ALG6: variants seen among roughly 807,000 people sequenced by gnomAD.
The protein encoded by ALG6 is dolichyl pyrophosphate Man9GlcNAc2 alpha-1,3-glucosyltransferase.
Under a neutral mutation model 66.6 loss-of-function variants are expected in ALG6, and 46 were observed. The observed-to-expected ratio is 0.69, with a 90% CI of 0.55 to 0.88. The LOEUF is 0.88. ALG6 is among the 40% of genes least tolerant of loss of function. The pLI is 0.00. For missense variants in ALG6, 505 were observed against 586.8 expected, an observed-to-expected ratio of 0.86 and a Z score of 1.44; for synonymous variants, 185 against 203.7, an observed-to-expected ratio of 0.91 and a Z score of 0.78.
At chr1:63,435,122 T>A (rs1229621896) in intron 14 of ALG6, among the ~76,000 whole-genome samples, 2 of 152,194 alleles carry the variant, frequency 1.3e-5, no homozygotes, top group African/African-American at 4.8e-5. Context: ...TGGTATGGGT[T>A]CACTAGTGAA....
chr1:63,406,595 A>T (rs990243453), intron 6 of ALG6, among the ~76,000 whole-genome samples, 196 bp downstream of exon 6: 1 of 152,118 alleles, frequency 6.6e-6, no homozygotes, highest in African/African-American at 2.4e-5. Flanking sequence ...ACTAAGATAC[A>T]CTGAATCTTG....
At chr1:63,414,205 G>T (rs1311546553) in intron 10 of ALG6, 59 bp downstream of exon 10, 1 of 1,247,836 alleles carries the variant, frequency 8.0e-7, no homozygotes. Flanking sequence ...AAGCATTATG[G>T]TATTATTTCA....
chr1:63,408,512 T>C (rs1644500895), intron 7 of ALG6, among the ~76,000 whole-genome samples: 1 of 152,206 alleles, frequency 6.6e-6, no homozygotes, highest in Admixed American at 6.5e-5. Context: ...TCCTTGTACA[T>C]ATATAAACAT....
intron 2 of ALG6, among the ~76,000 whole-genome samples, chr1:63,385,401 CG>C (rs925426427): frequency 1.2e-4 from 18 of 151,460 alleles, no homozygotes; most frequent in African/African-American, 4.4e-4. Flanking sequence ...TTAGTAGAAA[CG>C]GGGTTTCACC....
intron 12 of ALG6, among the ~76,000 whole-genome samples, chr1:63,424,958 T>C (rs1016211267): frequency 2.6e-5 from 4 of 152,064 alleles, no homozygotes; most frequent in Admixed American, 2.0e-4. Flanking sequence ...TTTGTATTTT[T>C]AGTAGAGACA....
intron 14 of ALG6, among the ~76,000 whole-genome samples, chr1:63,434,705 A>T (rs1644668632): frequency 6.6e-6 from 1 of 152,204 alleles, no homozygotes; most frequent in African/African-American, 2.4e-5. Flanking sequence ...GGCCCAGGGA[A>T]GCCAAAAGAT....
rs1345624029 is a variant in ALG6 at position 63,396,587 on chromosome 1, G to C, written c.157G>C (p.Val53Leu). 6.2e-7 allele frequency: 1 copy of C among 1,612,558 alleles called. No individual in the cohort carries two copies. Among genetic ancestry groups the C allele is most frequent in the South Asian group, 1.1e-5 (1 of 91,034 alleles). The change falls in exon 3 of 15, where the codon GTC becomes CTC. Residue 53 changes from valine (V) to leucine (L), a missense_variant. Transcript: ENST00000263440. ...HWQEITFNLP[V>L]KQWYFNSSDN... ...GCAAGAAATAACTTTTAATTTACCG[G>C]TCAAACAATGGTATGATAATTTTAA...
At chr1:63,374,988 T>C (rs1319316215) in intron 2 of ALG6, among the ~76,000 whole-genome samples, 1 of 152,088 alleles carries the variant, frequency 6.6e-6, no homozygotes, top group Non-Finnish European at 1.5e-5. Flanking sequence ...GGCAGGGGGA[T>C]CACTTGAGGT....
At chr1:63,382,313 T>A (rs923689472) in intron 2 of ALG6, among the ~76,000 whole-genome samples, 1 of 151,906 alleles carries the variant, frequency 6.6e-6, no homozygotes, top group Non-Finnish European at 1.5e-5. Context: ...GCAATTCTTC[T>A]GTCTCAGCCT....
chr1:63,381,997 C>T (rs570072746), intron 2 of ALG6, among the ~76,000 whole-genome samples: 2 of 152,164 alleles, frequency 1.3e-5, no homozygotes, highest in South Asian at 2.1e-4. Context: ...CACCTAGCCT[C>T]CCAATAGAAA....
intron 2 of ALG6, among the ~76,000 whole-genome samples, chr1:63,393,910 AG>A (rs1648743865): frequency 6.6e-6 from 1 of 152,134 alleles, no homozygotes; most frequent in East Asian, 1.9e-4. Context: ...AAACTTATTA[AG>A]TTTCTTTCTG....
intron 12 of ALG6, among the ~76,000 whole-genome samples, chr1:63,427,249 G>A (rs1644620485): frequency 6.7e-6 from 1 of 149,196 alleles, no homozygotes; most frequent in African/African-American, 2.5e-5. Context: ...TCCTGACCTC[G>A]TGATCCGCCT....
intron 2 of ALG6, among the ~76,000 whole-genome samples, chr1:63,390,502 T>G (rs1386529375): frequency 6.6e-6 from 1 of 152,124 alleles, no homozygotes; most frequent in Non-Finnish European, 1.5e-5. Flanking sequence ...CTTGGCTGCC[T>G]TAGCTGGTGT....
intron 4 of ALG6, 55 bp downstream of exon 4, chr1:63,402,398 G>A (rs1644469182): frequency 7.6e-6 from 8 of 1,058,788 alleles, no homozygotes; most frequent in South Asian, 7.5e-5. Flanking sequence ...GGCAGATTTA[G>A]TAAGAAGCAG....
At chr1:63,370,347 A>G (rs900807576) in intron 1 of ALG6, among the ~76,000 whole-genome samples, 2 of 152,190 alleles carry the variant, frequency 1.3e-5, no homozygotes, top group African/African-American at 4.8e-5. Context: ...GTTTATTGGA[A>G]GACTTTCCCA....
intron 6 of ALG6, among the ~76,000 whole-genome samples, chr1:63,406,724 A>G (rs556820183): frequency 6.3e-4 from 96 of 152,194 alleles, no homozygotes; most frequent in Non-Finnish European, 1.1e-3. Flanking sequence ...AAGTTGTTGT[A>G]TATTCTTAAT....
intron 10 of ALG6, among the ~76,000 whole-genome samples, chr1:63,415,380 C>T (rs1387021688): frequency 1.3e-5 from 2 of 152,196 alleles, no homozygotes; most frequent in Non-Finnish European, 2.9e-5. Flanking sequence ...CTAGTAGCTT[C>T]CTGCTCCCTT....
rs889675116 is a variant in ALG6 at position 63,433,600 on chromosome 1, T to C, written c.1327-3223T>C. Among the ~76,000 whole-genome samples the C allele has an allele frequency of 6.6e-5, 10 of 152,318 alleles. No individual in the cohort carries two copies. The highest frequency in any genetic ancestry group is 2.4e-4 in the African/African-American group (10 of 41,592). The stretch of plus-strand genomic sequence containing the variant: ...TAGTATAGGCCCAGATTCCTGAGTG[T>C]ATGTCAAAATCTAGCCCTATTGTGA... On this transcript the variant is annotated intron_variant, in intron 14 of 14. Transcript: ENST00000263440. This position sits in a 1 kb window ranked among gnomAD's most constrained non-coding sequence, Gnocchi z 4.2.
At chr1:63,412,188 T>C in intron 9 of ALG6, 127 bp downstream of exon 9, 1 of 1,406,308 alleles carries the variant, frequency 7.1e-7, no homozygotes, top group Non-Finnish European at 1.0e-6. Context: ...TCCTTGCCAG[T>C]TATTGCTTGA....
Sources: gnomAD v4.1 joint callset for allele counts (sites outside exome capture counted in the v4.1 genomes callset) on GRCh38, gnomAD v4.1.1 for gene constraint, Gnocchi (gnomAD v3.1) non-coding constraint, MANE v1.5 for transcripts, NCBI Gene and HGNC (gene_info 2026-07-23, HGNC 2026-07-21) for gene names.